Variants in ADAM32 observed in about 807,000 individuals in gnomAD.
ADAM32 encodes ADAM metallopeptidase domain 32, also known as disintegrin and metalloproteinase domain-containing protein 32.
A neutral mutation model predicts 114.9 loss-of-function variants in ADAM32; 89 were observed. The ratio of observed to expected loss-of-function variants is 0.77; its 90% CI spans 0.65 to 0.92. The LOEUF is 0.92. ADAM32 is among the 40% of genes least tolerant of loss of function. The pLI is 0.00. For missense variants in ADAM32, 870 were observed against 932.8 expected, an observed-to-expected ratio of 0.93 and a Z score of 0.88; for synonymous variants, 285 against 307.5, an observed-to-expected ratio of 0.93 and a Z score of 0.77.
intron 2 of ADAM32, among the ~76,000 whole-genome samples, chr8:39,122,630 G>A (rs879768881): frequency 6.6e-6 from 1 of 152,214 alleles, no homozygotes; most frequent in Non-Finnish European, 1.5e-5. Flanking sequence ...AGGCTGGAGT[G>A]CAGTGGTGCT....
upstream of ADAM32, chr8:39,107,544 C>A: frequency 7.9e-7 from 1 of 1,267,004 alleles, no homozygotes; most frequent in Non-Finnish European, 1.0e-6. Flanking sequence ...CTCCAGCAAC[C>A]ACGCGGCTGG....
chr8:39,259,930 A>C (rs73608638), intron 19 of ADAM32, among the ~76,000 whole-genome samples: 23,147 of 152,170 alleles, frequency 0.15, 1,961 homozygotes, highest in Middle Eastern at 0.26. Context: ...TTCAGATTTG[A>C]TAGTGTTGTA....
intron 1 of ADAM32, among the ~76,000 whole-genome samples, chr8:39,117,263 A>G (rs1328086380): frequency 6.6e-6 from 1 of 152,148 alleles, no homozygotes; most frequent in Non-Finnish European, 1.5e-5. Context: ...TGTATATATT[A>G]TGTTTATGTA....
intron 22 of ADAM32, among the ~76,000 whole-genome samples, chr8:39,277,296 C>T (rs186287891): frequency 1.8e-3 from 270 of 152,316 alleles, no homozygotes; most frequent in African/African-American, 5.8e-3. Context: ...ACTGGTCTAG[C>T]CTTCTGGCTT....
chr8:39,180,434 G>C (rs1332602402), intron 10 of ADAM32, among the ~76,000 whole-genome samples: 1 of 152,242 alleles, frequency 6.6e-6, no homozygotes, highest in Non-Finnish European at 1.5e-5. Flanking sequence ...CTCCTTTGCG[G>C]CCCGAGCCTC....
chr8:39,174,237 T>A (rs760264818), intron 10 of ADAM32, among the ~76,000 whole-genome samples: 2 of 152,182 alleles, frequency 1.3e-5, no homozygotes, highest in Non-Finnish European at 2.9e-5. Context: ...CCCCATTGCT[T>A]GTTTGTGTCA....
chr8:39,188,930 G>A (rs988622769), intron 11 of ADAM32, among the ~76,000 whole-genome samples: 1 of 152,030 alleles, frequency 6.6e-6, no homozygotes, highest in Non-Finnish European at 1.5e-5. Context: ...CTCAAAGAAA[G>A]CATGTAATTA....
intron 12 of ADAM32, among the ~76,000 whole-genome samples, chr8:39,219,950 A>ATTAG (rs1425279229): frequency 6.6e-6 from 1 of 152,166 alleles, no homozygotes; most frequent in African/African-American, 2.4e-5. Flanking sequence ...GTAAGTGTGT[A>ATTAG]TTAGTATTAG....
intron 2 of ADAM32, among the ~76,000 whole-genome samples, chr8:39,124,148 C>T (rs531976095): frequency 1.3e-4 from 20 of 152,090 alleles, no homozygotes; most frequent in Admixed American, 3.9e-4. Context: ...GCTCAGCATC[C>T]GTTAGCTATA....
In ADAM32 at chr8:39,202,911, G is replaced by A. The variant is rs1230665649; in HGVS notation, c.1053-8233G>A. On this transcript the variant is annotated intron_variant, in intron 11 of 24. Coordinates refer to ENST00000379907, the MANE Select transcript of ADAM32 (RefSeq NM_145004.7). ...TGTACCCAGTAGTCATTCAGGAGCA[G>A]GTTGTTCAGTTTCCATGTAGTTGGG... Among the ~76,000 whole-genome samples, 4 of 134,726 alleles carry A rather than the reference G, an allele frequency of 3.0e-5. No homozygotes were observed. In the Admixed American group the frequency reaches 3.1e-4, roughly 10 times the overall value. 88.4% of individuals were successfully genotyped at this position (134,726 alleles called of 152,430 possible).
chr8:39,151,573 A>G, intron 6 of ADAM32, 25 bp downstream of exon 6: 1 of 1,430,388 alleles, frequency 7.0e-7, no homozygotes, highest in Non-Finnish European at 9.3e-7. Flanking sequence ...TTTTATTACT[A>G]CTTTTAAAGC....
chr8:39,204,221 C>G (rs1272375066), intron 11 of ADAM32, among the ~76,000 whole-genome samples: 22 of 152,188 alleles, frequency 1.4e-4, no homozygotes, highest in African/African-American at 7.2e-5. Flanking sequence ...ATATCCTGCA[C>G]AGTGTTTTCC....
intron 18 of ADAM32, among the ~76,000 whole-genome samples, chr8:39,255,364 C>G (rs1330023460): frequency 6.6e-6 from 1 of 151,842 alleles, no homozygotes; most frequent in Non-Finnish European, 1.5e-5. Context: ...AAGTGCTCCC[C>G]TTTAAGCACA....
At chr8:39,264,166 C>G (rs966946495) in intron 19 of ADAM32, among the ~76,000 whole-genome samples, 1 of 151,986 alleles carries the variant, frequency 6.6e-6, no homozygotes, top group Non-Finnish European at 1.5e-5. Flanking sequence ...ATGTTTGTTA[C>G]AGGGTTAAAT....
chr8:39,254,743 G>T (rs1356531838), intron 18 of ADAM32, among the ~76,000 whole-genome samples: 1 of 151,596 alleles, frequency 6.6e-6, no homozygotes, highest in Non-Finnish European at 1.5e-5. Flanking sequence ...GGTTTTTGAG[G>T]AATAGGTGGA....
chr8:39,130,004 G>A (rs1802345148), intron 2 of ADAM32: 2 of 323,914 alleles, frequency 6.2e-6, no homozygotes, highest in African/African-American at 2.2e-5. Context: ...ACCCAGGTTG[G>A]AGTGCAGTGG....
chr8:39,273,430 G>T (rs981816937), intron 20 of ADAM32, among the ~76,000 whole-genome samples: 31 of 152,128 alleles, frequency 2.0e-4, no homozygotes, highest in African/African-American at 7.2e-4. Context: ...AGGAGGGTGA[G>T]GCAGGAGAAT....
intron 2 of ADAM32, 92 bp downstream of exon 2, chr8:39,118,257 G>A: frequency 1.4e-6 from 1 of 705,094 alleles, no homozygotes; most frequent in Non-Finnish European, 2.1e-6. Context: ...ATTTTAATAT[G>A]AATATAATGT....
At chr8:39,184,105 C>A (rs909482978) in intron 10 of ADAM32, among the ~76,000 whole-genome samples, 2 of 152,184 alleles carry the variant, frequency 1.3e-5, no homozygotes, top group Non-Finnish European at 2.9e-5. Flanking sequence ...AAAGGCAGAT[C>A]GGTTTCAGAT....
Sources: gnomAD v4.1 joint callset for allele counts (sites outside exome capture counted in the v4.1 genomes callset) on GRCh38, gnomAD v4.1.1 for gene constraint, MANE v1.5 for transcripts, NCBI Gene and HGNC (gene_info 2026-07-23, HGNC 2026-07-21) for gene names.